Variants in CFAP299 observed in about 807,000 individuals in gnomAD.
CFAP299 encodes cilia and flagella associated protein 299, also known as cilia- and flagella-associated protein 299.
In CFAP299, 21 loss-of-function variants were observed where a neutral mutation model predicts 27.0. The observed-to-expected ratio is 0.78, with a 90% CI of 0.55 to 1.12. The LOEUF is 1.12. CFAP299 is among the 50% of genes most tolerant of loss of function. The pLI is 0.00. For missense variants in CFAP299, 310 were observed against 276.6 expected, an observed-to-expected ratio of 1.12 and a Z score of -0.86; for synonymous variants, 104 against 98.1, an observed-to-expected ratio of 1.06 and a Z score of -0.36.
intron 2 of CFAP299, among the ~76,000 whole-genome samples, chr4:80,445,093 A>G (rs1482367366): frequency 1.3e-5 from 2 of 152,192 alleles, no homozygotes; most frequent in Non-Finnish European, 1.5e-5. Flanking sequence ...AAATTAGTTC[A>G]ACCATTGTTG....
intron 5 of CFAP299, among the ~76,000 whole-genome samples, chr4:80,946,749 G>A (rs1430896536): frequency 6.6e-6 from 1 of 152,118 alleles, no homozygotes; most frequent in African/African-American, 2.4e-5. Flanking sequence ...ATGAATACCA[G>A]AGTACTTTAT....
chr4:80,714,025 A>G (rs1025341924), intron 3 of CFAP299, among the ~76,000 whole-genome samples: 2 of 152,100 alleles, frequency 1.3e-5, no homozygotes, highest in Non-Finnish European at 2.9e-5. Flanking sequence ...ATATATATAT[A>G]TATGTATAGC....
chr4:80,752,715 GCCT>G (rs771260171), intron 3 of CFAP299, among the ~76,000 whole-genome samples: 1 of 151,364 alleles, frequency 6.6e-6, no homozygotes, highest in Non-Finnish European at 1.5e-5. Flanking sequence ...CCTCTTCTCT[GCCT>G]CCTTTTGTAT....
At chr4:80,830,147 T>G (rs974552460) in intron 3 of CFAP299, among the ~76,000 whole-genome samples, 3 of 152,128 alleles carry the variant, frequency 2.0e-5, no homozygotes. Flanking sequence ...TTCCAGAGTG[T>G]GTTTTTCTTT....
intron 1 of CFAP299, among the ~76,000 whole-genome samples, chr4:80,358,798 G>A (rs1025918815): frequency 3.3e-5 from 5 of 151,920 alleles, no homozygotes; most frequent in Non-Finnish European, 5.9e-5. Context: ...TCTTCTAATC[G>A]GACCTTTTAG....
chr4:80,829,932 A>T (rs1730206755), intron 3 of CFAP299, among the ~76,000 whole-genome samples: 1 of 152,034 alleles, frequency 6.6e-6, no homozygotes, highest in Admixed American at 6.6e-5. Context: ...GAAGGCAGGG[A>T]ATGGGAGCTT....
At chr4:80,750,416 C>T (rs146534601) in intron 3 of CFAP299, among the ~76,000 whole-genome samples, 3 of 152,046 alleles carry the variant, frequency 2.0e-5, no homozygotes, top group South Asian at 2.1e-4. Flanking sequence ...ATTGAGCTCA[C>T]GACATGCATG....
At chr4:80,732,729 T>C (rs1401565762) in intron 3 of CFAP299, among the ~76,000 whole-genome samples, 1 of 152,160 alleles carries the variant, frequency 6.6e-6, no homozygotes, top group Non-Finnish European at 1.5e-5. Context: ...TTCTTTTCTG[T>C]ATTTCTCTAG....
At chr4:80,711,555 A>G (rs899120687) in intron 3 of CFAP299, among the ~76,000 whole-genome samples, 4 of 152,132 alleles carry the variant, frequency 2.6e-5, no homozygotes, top group Admixed American at 2.6e-4. Flanking sequence ...CAGGTAGATA[A>G]CATTATATTT....
chr4:80,732,332 C>A (rs1578069836), intron 3 of CFAP299, among the ~76,000 whole-genome samples: 1 of 152,082 alleles, frequency 6.6e-6, no homozygotes, highest in South Asian at 2.1e-4. Flanking sequence ...CATAGCATGA[C>A]TCTTCTTCCA....
chr4:80,502,367 A>T (rs1465360373), intron 2 of CFAP299, among the ~76,000 whole-genome samples: 1 of 152,116 alleles, frequency 6.6e-6, no homozygotes, highest in Non-Finnish European at 1.5e-5. Flanking sequence ...CATGAAGAGC[A>T]AGTCAATTTT....
chr4:80,442,312 C>G lies in CFAP299; in HGVS notation c.242+79428C>G, dbSNP rs551673173. 2.6e-5 allele frequency among the ~76,000 whole-genome samples: 4 copies of G among 152,254 alleles called. No individual in the cohort carries two copies. In the East Asian group the frequency reaches 5.8e-4, roughly 22 times the overall value. ...ATTGACCACATAATTAGAAGTAAAA[C>G]ACTCCTCAGCAAATGCAAAAGAATG... On this transcript the variant is annotated intron_variant, in intron 2 of 5. Coordinates refer to ENST00000358105, the MANE Select transcript of CFAP299 (RefSeq NM_152770.3).
At chr4:80,637,950 C>G (rs1046135949) in intron 3 of CFAP299, among the ~76,000 whole-genome samples, 16 of 152,118 alleles carry the variant, frequency 1.1e-4, no homozygotes, top group African/African-American at 3.9e-4. Flanking sequence ...TTTAAAATAT[C>G]CTGGTTGATT....
chr4:80,813,567 G>T (rs557167647), intron 3 of CFAP299, among the ~76,000 whole-genome samples: 1 of 151,828 alleles, frequency 6.6e-6, no homozygotes, highest in South Asian at 2.1e-4. Flanking sequence ...GTAAGGCTTC[G>T]GGGCTTGTGA....
At chr4:80,336,883 C>T (rs2109963031) in intron 1 of CFAP299, among the ~76,000 whole-genome samples, 1 of 152,338 alleles carries the variant, frequency 6.6e-6, no homozygotes, top group South Asian at 2.1e-4. Flanking sequence ...CAGCTCCCCA[C>T]ACTTCTGAAC....
chr4:80,586,925 A>AT (rs1176918311), intron 3 of CFAP299, among the ~76,000 whole-genome samples: 3 of 150,844 alleles, frequency 2.0e-5, no homozygotes, highest in Non-Finnish European at 4.4e-5. Flanking sequence ...GTAAAAAAAC[A>AT]TTGCCTACAG....
intron 2 of CFAP299, among the ~76,000 whole-genome samples, chr4:80,383,390 G>T (rs1257787410): frequency 6.6e-6 from 1 of 151,914 alleles, no homozygotes; most frequent in Non-Finnish European, 1.5e-5. Context: ...ACATAATTCA[G>T]TGTCCACCCA....
chr4:80,652,253 C>A (rs1208744793), intron 3 of CFAP299, among the ~76,000 whole-genome samples: 1 of 152,030 alleles, frequency 6.6e-6, no homozygotes, highest in Admixed American at 6.6e-5. Flanking sequence ...AAAATTTCAT[C>A]AAGTGGAGTC....
chr4:80,634,994 A>C (rs73832431), intron 3 of CFAP299, among the ~76,000 whole-genome samples: 1 of 152,284 alleles, frequency 6.6e-6, no homozygotes, highest in African/African-American at 2.4e-5. Flanking sequence ...GATCATTATA[A>C]ATCATCTCTT....
Sources: gnomAD v4.1 joint callset for allele counts (sites outside exome capture counted in the v4.1 genomes callset) on GRCh38, gnomAD v4.1.1 for gene constraint, MANE v1.5 for transcripts, NCBI Gene and HGNC (gene_info 2026-07-23, HGNC 2026-07-21) for gene names.